The following DLG2 variants were observed in gnomAD, a reference collection of about 807,000 sequenced individuals.
The protein encoded by DLG2 is disks large homolog 2.
DLG2 carries 45 observed loss-of-function variants against 132.5 expected under a neutral mutation model. That is an observed-to-expected ratio of 0.34 (90% CI 0.27 to 0.44). The LOEUF is 0.44. Among genes scored for constraint, DLG2 ranks in the 20% least tolerant of loss-of-function variants. DLG2 has a pLI of 1.00. For missense variants in DLG2, 1,045 were observed against 1,196.9 expected (o/e 0.87, Z 1.87); for synonymous variants, 424 against 419.6 (o/e 1.01, Z -0.13).
In DLG2 at chr11:85,122,953, ATATATATATATATATATTTTTTTTTT is replaced by A. The variant is rs2074537158; in HGVS notation, c.283-11244_283-11219del. Among the ~76,000 whole-genome samples the A allele has an allele frequency of 6.1e-5, 2 of 32,550 alleles. 1 individual carries two copies. The highest frequency in any genetic ancestry group is 1.0e-4 in the Non-Finnish European group (2 of 19,168). 21.4% of individuals were successfully genotyped at this position (32,550 alleles called of 152,430 possible). A position where few individuals can be genotyped will look rare whatever the true frequency, so the allele number is the denominator to read the frequency against. Reference sequence around the variant, plus strand: ...GTATGTGTGTCTGTATATATATTATATATATATATATATATATTTTTTTTTTTTTTTTTTTTTTTTTTGAGACAGAG... The same window carrying A: ...GTATGTGTGTCTGTATATATATTATATTTTTTTTTTTTTTTTGAGACAGAG... On this transcript the variant is annotated intron_variant, in intron 5 of 27. Transcript: ENST00000376104.
At chr11:84,051,484 T>C (rs894310868) in intron 11 of DLG2, among the ~76,000 whole-genome samples, 1 of 151,832 alleles carries the variant, frequency 6.6e-6, no homozygotes, top group African/African-American at 2.4e-5. Context: ...GGGACATGGA[T>C]GAAGCTGGAA....
intron 4 of DLG2, among the ~76,000 whole-genome samples, chr11:85,224,227 A>G (rs1160684924): frequency 6.6e-6 from 1 of 152,200 alleles, no homozygotes; most frequent in African/African-American, 2.4e-5. Context: ...GAAGGACATA[A>G]TAATTGACAG....
At chr11:83,934,899 AC>A (rs939246845) in intron 14 of DLG2, among the ~76,000 whole-genome samples, 1 of 151,722 alleles carries the variant, frequency 6.6e-6, no homozygotes, top group Non-Finnish European at 1.5e-5. Context: ...AGTGATCAGT[AC>A]CTTTTATTCT....
chr11:83,621,368 G>A (rs1205446791), intron 19 of DLG2, among the ~76,000 whole-genome samples: 4 of 151,702 alleles, frequency 2.6e-5, no homozygotes, highest in African/African-American at 2.4e-5. Flanking sequence ...GCATCCAACC[G>A]GTCTCACTGT....
intron 4 of DLG2, among the ~76,000 whole-genome samples, chr11:85,247,802 C>A (rs1231088266): frequency 6.6e-6 from 1 of 152,062 alleles, no homozygotes; most frequent in Non-Finnish European, 1.5e-5. Flanking sequence ...ACTAGCTCAT[C>A]ATTTTCCTAA....
intron 18 of DLG2, among the ~76,000 whole-genome samples, chr11:83,653,276 TG>T (rs2071190218): frequency 6.6e-6 from 1 of 152,250 alleles, no homozygotes. Context: ...AAAGTGGATT[TG>T]CAGTGAATCT....
chr11:84,124,595 C>T (rs1261741604), intron 9 of DLG2, among the ~76,000 whole-genome samples: 1 of 152,122 alleles, frequency 6.6e-6, no homozygotes, highest in African/African-American at 2.4e-5. Context: ...TCTCTCCTTC[C>T]CATTTTCTCT....
At chr11:83,870,418 C>A (rs2063213490) in intron 16 of DLG2, among the ~76,000 whole-genome samples, 1 of 152,212 alleles carries the variant, frequency 6.6e-6, no homozygotes, top group Non-Finnish European at 1.5e-5. Context: ...CAGTTCCACA[C>A]ATGTTGCTGA....
rs765668197 is a variant in DLG2 at position 84,399,998 on chromosome 11, T to C, written c.519+134572A>G. On this transcript the variant is annotated intron_variant, in intron 7 of 27. Coordinates refer to ENST00000376104, the MANE Select transcript of DLG2 (RefSeq NM_001142699.3). ...AAGGCAAGTCTGATTTCTTCAACTA[T>C]GGTAGATCCTCAACAGCTCAGTTAA... 9.2e-5 allele frequency among the ~76,000 whole-genome samples: 14 copies of C among 152,354 alleles called. No individual in the cohort carries two copies. The South Asian group carries it at 2.5e-3, about 27-fold the overall frequency.
intron 3 of DLG2, among the ~76,000 whole-genome samples, chr11:85,539,253 T>C (rs1227692142): frequency 2.0e-5 from 3 of 149,640 alleles, no homozygotes; most frequent in African/African-American, 7.7e-5. Flanking sequence ...TCCTGACACA[T>C]GATACAGCTG....
chr11:85,232,129 A>G (rs2075334056), intron 4 of DLG2, among the ~76,000 whole-genome samples: 1 of 151,926 alleles, frequency 6.6e-6, no homozygotes. Flanking sequence ...GCAACATGCT[A>G]AATACCAATA....
At chr11:83,928,911 G>T (rs979349326) in intron 15 of DLG2, among the ~76,000 whole-genome samples, 3 of 152,156 alleles carry the variant, frequency 2.0e-5, no homozygotes. Context: ...CAGGTATGTG[G>T]CTCTTCTCAC....
intron 15 of DLG2, among the ~76,000 whole-genome samples, chr11:83,902,061 A>G (rs2073606193): frequency 6.6e-6 from 1 of 152,166 alleles, no homozygotes; most frequent in Non-Finnish European, 1.5e-5. Flanking sequence ...ATTTTATCAA[A>G]GTAATCGTGC....
At chr11:84,489,603 T>C (rs1198441747) in intron 7 of DLG2, among the ~76,000 whole-genome samples, 2 of 152,104 alleles carry the variant, frequency 1.3e-5, no homozygotes, top group Admixed American at 6.6e-5. Context: ...TTATGTCAGT[T>C]GGCCTTCATT....
At chr11:84,146,756 T>TAGATATA (rs1454682928) in intron 9 of DLG2, among the ~76,000 whole-genome samples, 1 of 152,120 alleles carries the variant, frequency 6.6e-6, no homozygotes, top group Non-Finnish European at 1.5e-5. Flanking sequence ...TTGGGGTACC[T>TAGATATA]AGATATAAGA....
chr11:84,672,108 G>A (rs1161337046), intron 6 of DLG2, among the ~76,000 whole-genome samples: 1 of 152,074 alleles, frequency 6.6e-6, no homozygotes, highest in Non-Finnish European at 1.5e-5. Context: ...TGATATAATG[G>A]AACAAATCAT....
At chr11:84,267,001 A>C (rs1375764949) in intron 7 of DLG2, among the ~76,000 whole-genome samples, 1 of 152,222 alleles carries the variant, frequency 6.6e-6, no homozygotes, top group African/African-American at 2.4e-5. Flanking sequence ...GAAACCTCCC[A>C]AATGCTTATA....
chr11:83,870,776 T>C (rs927379270), intron 16 of DLG2, among the ~76,000 whole-genome samples: 4 of 152,214 alleles, frequency 2.6e-5, no homozygotes, highest in African/African-American at 9.6e-5. Flanking sequence ...CCATCTGTTG[T>C]CACTACCCTA....
At chr11:83,899,857 T>C (rs1312298722) in intron 15 of DLG2, among the ~76,000 whole-genome samples, 3 of 152,162 alleles carry the variant, frequency 2.0e-5, no homozygotes, top group Non-Finnish European at 4.4e-5. Context: ...AACTTGGTAA[T>C]AGGCAGAGGC....
Sources: gnomAD v4.1 joint callset for allele counts (sites outside exome capture counted in the v4.1 genomes callset) on GRCh38, gnomAD v4.1.1 for gene constraint, MANE v1.5 for transcripts, NCBI Gene and HGNC (gene_info 2026-07-23, HGNC 2026-07-21) for gene names.